SPIDR: variants seen among roughly 807,000 people sequenced by gnomAD.
SPIDR encodes the protein scaffold protein involved in DNA repair.
A neutral mutation model predicts 104.6 loss-of-function variants in SPIDR; 93 were observed. That is an observed-to-expected ratio of 0.89 (90% CI 0.75 to 1.06). The LOEUF (loss-of-function observed/expected upper bound fraction) is 1.06, where lower values mean the gene tolerates loss of function less well. Among genes scored for constraint, SPIDR ranks in the 50% least tolerant of loss-of-function variants. The pLI, the probability that SPIDR is intolerant of heterozygous loss-of-function variation, is 0.00. For missense variants in SPIDR, 1,154 were observed against 1,111.2 expected (o/e 1.04, Z -0.55); for synonymous variants, 431 against 416.9 (o/e 1.03, Z -0.41).
At chr8:47,406,066 A>T (rs1156315377) in intron 6 of SPIDR, among the ~76,000 whole-genome samples, 1 of 147,638 alleles carries the variant, frequency 6.8e-6, no homozygotes, top group Non-Finnish European at 1.5e-5. Context: ...CTTTAACCAG[A>T]TAGTTTTTTC....
intron 5 of SPIDR, among the ~76,000 whole-genome samples, chr8:47,364,153 T>G (rs1410706464): frequency 6.6e-6 from 1 of 152,224 alleles, no homozygotes; most frequent in Admixed American, 6.5e-5. Flanking sequence ...ATGAAAGTAT[T>G]TTGTACATTT....
chr8:47,537,798 G>A (rs1418989828), intron 8 of SPIDR, among the ~76,000 whole-genome samples: 1 of 152,090 alleles, frequency 6.6e-6, no homozygotes, highest in Non-Finnish European at 1.5e-5. Flanking sequence ...AGGTGAGAGG[G>A]TATATGGGAA....
At chr8:47,571,183 C>T (rs2058480024) in intron 8 of SPIDR, among the ~76,000 whole-genome samples, 1 of 151,984 alleles carries the variant, frequency 6.6e-6, no homozygotes, top group African/African-American at 2.4e-5. Context: ...GTTAAGGGGT[C>T]CAAACTTTCA....
chr8:47,549,940 G>C (rs926519477), intron 8 of SPIDR, among the ~76,000 whole-genome samples: 1 of 152,138 alleles, frequency 6.6e-6, no homozygotes, highest in Non-Finnish European at 1.5e-5. Context: ...ATTAATTTTT[G>C]TATAAGGTGT....
At chr8:47,459,738 T>C (rs546111694) in intron 8 of SPIDR, among the ~76,000 whole-genome samples, 41 of 152,276 alleles carry the variant, frequency 2.7e-4, no homozygotes, top group African/African-American at 9.4e-4. Flanking sequence ...ATTGTCTGTT[T>C]GTACTGTTTC....
intron 5 of SPIDR, among the ~76,000 whole-genome samples, chr8:47,344,613 C>T (rs1195174967): frequency 1.3e-5 from 2 of 152,230 alleles, no homozygotes; most frequent in African/African-American, 4.8e-5. Flanking sequence ...TATCTCTCCA[C>T]ATCCTCTCCA....
intron 10 of SPIDR, among the ~76,000 whole-genome samples, chr8:47,603,279 A>G (rs900801790): frequency 2.0e-5 from 3 of 152,140 alleles, no homozygotes; most frequent in Admixed American, 1.3e-4. Context: ...GGTCCAGACC[A>G]TATTACCTCA....
chr8:47,516,871 C>T (rs2083245240), intron 8 of SPIDR, among the ~76,000 whole-genome samples: 1 of 152,130 alleles, frequency 6.6e-6, no homozygotes, highest in South Asian at 2.1e-4. Context: ...GAGGTTGCAT[C>T]ATTTTATATT....
intron 19 of SPIDR, among the ~76,000 whole-genome samples, chr8:47,735,014 T>C (rs958505965): frequency 1.3e-5 from 2 of 152,172 alleles, no homozygotes; most frequent in African/African-American, 4.8e-5. Context: ...GCAGAGTCTG[T>C]GTGCATCGTG....
intron 8 of SPIDR, among the ~76,000 whole-genome samples, chr8:47,540,251 G>A (rs933488649): frequency 6.6e-6 from 1 of 152,152 alleles, no homozygotes; most frequent in Non-Finnish European, 1.5e-5. Flanking sequence ...CTTTGATGGA[G>A]AGTGTGTAGG....
chr8:47,334,791 T>TA (rs1247022303), intron 5 of SPIDR, among the ~76,000 whole-genome samples: 3 of 152,202 alleles, frequency 2.0e-5, no homozygotes, highest in Non-Finnish European at 2.9e-5. Context: ...CCATATTTGT[T>TA]ACTGGTTTCT....
At chr8:47,289,418 A>G (rs1361411591) in intron 3 of SPIDR, among the ~76,000 whole-genome samples, 10 of 152,186 alleles carry the variant, frequency 6.6e-5, no homozygotes, top group East Asian at 1.9e-4. Flanking sequence ...ATATGTACAT[A>G]TATATGTTTT....
At chr8:47,713,713 T>G in intron 16 of SPIDR, 72 bp downstream of exon 16, 10 of 1,571,974 alleles carry the variant, frequency 6.4e-6, no homozygotes, top group South Asian at 5.7e-5. Flanking sequence ...ATTTACTCAT[T>G]TATTCAACAA....
At position 47,595,874 on chromosome 8, in the gene SPIDR, A is replaced by G. The variant is rs1564428318; in HGVS notation, c.1161A>G (p.Lys387=). ...PVILNTYFCE[K]VVAKEDSEKT... ...TTCTGAATACTTACTTTTGTGAGAAAGTTGTTGCCAAAGAAGATTCAGAAA... is the reference window on the plus strand; with the variant it reads ...TTCTGAATACTTACTTTTGTGAGAAGGTTGTTGCCAAAGAAGATTCAGAAA... Residue 387 remains lysine (K), a synonymous_variant, in exon 9 of 20, where the codon AAA becomes AAG. Coordinates refer to ENST00000297423, the MANE Select transcript of SPIDR (RefSeq NM_001080394.4). 6.2e-7 allele frequency: 1 copy of G among 1,614,086 alleles called. No individual in the cohort carries two copies. Among genetic ancestry groups the G allele is most frequent in the Non-Finnish European group, 8.5e-7 (1 of 1,180,036 alleles).
intron 10 of SPIDR, among the ~76,000 whole-genome samples, chr8:47,623,936 C>A (rs889095409): frequency 2.6e-5 from 4 of 152,172 alleles, no homozygotes; most frequent in Admixed American, 2.0e-4. Context: ...AATATACATT[C>A]TTTTCAGCAC....
chr8:47,557,367 T>C (rs996455951), intron 8 of SPIDR, among the ~76,000 whole-genome samples: 3 of 152,150 alleles, frequency 2.0e-5, no homozygotes, highest in African/African-American at 7.2e-5. Context: ...AGAAGGCGCC[T>C]GTCCAGGCCA....
chr8:47,310,264 G>A (rs900652539), intron 5 of SPIDR, among the ~76,000 whole-genome samples: 1 of 151,248 alleles, frequency 6.6e-6, no homozygotes, highest in Non-Finnish European at 1.5e-5. Flanking sequence ...AACCCAGGAG[G>A]TGGAGGTCGC....
chr8:47,438,168 G>C (rs1319976847), intron 7 of SPIDR, among the ~76,000 whole-genome samples: 2 of 152,224 alleles, frequency 1.3e-5, no homozygotes, highest in Non-Finnish European at 2.9e-5. Context: ...CCTGTGCTCA[G>C]CTGGCACACT....
At chr8:47,455,745 A>C (rs1314414709) in intron 8 of SPIDR, among the ~76,000 whole-genome samples, 1 of 152,214 alleles carries the variant, frequency 6.6e-6, no homozygotes, top group African/African-American at 2.4e-5. Context: ...AATCTAAAAA[A>C]GTTTACAAGG....
Sources: gnomAD v4.1 joint callset for allele counts (sites outside exome capture counted in the v4.1 genomes callset) on GRCh38, gnomAD v4.1.1 for gene constraint, MANE v1.5 for transcripts, NCBI Gene and HGNC (gene_info 2026-07-23, HGNC 2026-07-21) for gene names.